Variants in RAD21 observed in about 807,000 individuals in gnomAD.
RAD21 encodes double-strand-break repair protein rad21 homolog.
A neutral mutation model predicts 71.5 loss-of-function variants in RAD21; 18 were observed. The ratio of observed to expected loss-of-function variants is 0.25; its 90% CI spans 0.17 to 0.37. The LOEUF (loss-of-function observed/expected upper bound fraction) is 0.37. Among genes scored for constraint, RAD21 ranks in the 10% least tolerant of loss-of-function variants. RAD21 has a pLI of 1.00. For synonymous variants in RAD21, 248 were observed against 254.0 expected, an observed-to-expected ratio of 0.98 and a Z score of 0.22; for missense variants, 493 against 769.1, an observed-to-expected ratio of 0.64 and a Z score of 4.25.
At chr8:116,854,538 G>T in intron 8 of RAD21, 70 bp from the exon 9 acceptor site, 1 of 1,153,486 alleles carries the variant, frequency 8.7e-7, no homozygotes, top group Non-Finnish European at 1.3e-6. Context: ...TACAAGATCT[G>T]GACTGACTAT....
intron 1 of RAD21, 70 bp downstream of exon 1, chr8:116,874,541 C>T (rs1360693960): frequency 3.6e-6 from 1 of 277,852 alleles, no homozygotes; most frequent in East Asian, 1.4e-4. Flanking sequence ...GGCTCCCCGA[C>T]GGCAGAGCGG....
intron 8 of RAD21, 61 bp downstream of exon 8, chr8:116,856,104 CA>C: frequency 6.5e-7 from 1 of 1,546,370 alleles, no homozygotes; most frequent in African/African-American, 1.4e-5. Context: ...AGTAGACAGG[CA>C]AAAACCAGAA....
In RAD21 at chr8:116,867,853, A is replaced by T. The variant is rs903554271; in HGVS notation, c.-32-1092T>A. Among the ~76,000 whole-genome samples the T allele has an allele frequency of 5.3e-5, 8 of 152,308 alleles. No individual in the cohort carries two copies. The South Asian group carries it at 1.7e-3, about 32-fold the overall frequency. On this transcript the variant is annotated intron_variant, in intron 1 of 13. Transcript: ENST00000297338. ...ATAACTACAATATAGTATCAAAACC[A>T]GGGCACTGACATTGATTCAATGTGT...
At chr8:116,851,733 A>G (rs1449652570) in intron 11 of RAD21, 9 of 435,172 alleles carry the variant, frequency 2.1e-5, no homozygotes, top group Middle Eastern at 6.0e-4. Context: ...AAGCAATACT[A>G]TTCAAAAAGA....
intron 8 of RAD21, among the ~76,000 whole-genome samples, chr8:116,855,421 T>C (rs1812440454): frequency 6.6e-6 from 1 of 152,200 alleles, no homozygotes; most frequent in Admixed American, 6.5e-5. Flanking sequence ...AATTAAATAA[T>C]GTGTCTTGCA....
At chr8:116,850,180 T>C (rs1812318860) in intron 12 of RAD21, among the ~76,000 whole-genome samples, 1 of 152,200 alleles carries the variant, frequency 6.6e-6, no homozygotes, top group Admixed American at 6.5e-5. Flanking sequence ...AGTTATGCTT[T>C]ACCCTGGTCC....
intron 10 of RAD21, 62 bp from the exon 11 acceptor site, chr8:116,852,158 CATTT>C (rs1307074390): frequency 7.1e-7 from 1 of 1,404,732 alleles, no homozygotes; most frequent in African/African-American, 1.4e-5. Flanking sequence ...ATTATAGAAC[CATTT>C]ATTTTTTAAA....
In RAD21 at chr8:116,847,658, T is replaced by C; in HGVS notation, c.1738A>G (p.Ser580Gly). The change falls in exon 14 of 14, where the codon AGT becomes GGT. Residue 580 changes from serine (S) to glycine (G), a missense_variant. Ser to Gly is a moderately conservative substitution (Grantham distance 56). This residue lies in a region of RAD21 where 225 missense variants were observed against 218.3 expected (regional missense o/e 1.03). Coordinates refer to ENST00000297338, the MANE Select transcript of RAD21 (RefSeq NM_006265.3). ...GTATTTCGACATAACTCAAGCAAAC[T>C]GATAGATTCAGCTCCAGTTTTAGCA... ...ALAKTGAESI[S>G]LLELCRNTNR... 1 of 1,613,918 alleles carries C rather than the reference T, an allele frequency of 6.2e-7. No homozygotes were observed. The highest frequency in any genetic ancestry group is 8.5e-7 in the Non-Finnish European group (1 of 1,179,900).
Position 116,848,873 on chromosome 8 carries a change from CTTTT to C in RAD21, c.1704+69_1704+72del, listed in dbSNP as rs745420178. On this transcript the variant is annotated intron_variant, in intron 13 of 13. Transcript: ENST00000297338. ...TATGCTTTCTGTTTCCAGCATCTAA[CTTTT>C]TTTTTTTCAGGGAACAATGGCAAAA... 6.3e-5 allele frequency: 64 copies of C among 1,012,568 alleles called. No individual in the cohort carries two copies. The South Asian group carries it at 9.5e-4, about 15-fold the overall frequency. The allele number at this position is 1,012,568 out of a possible 1,614,324, so 62.7% of individuals were successfully genotyped here. A position where few individuals can be genotyped will look rare whatever the true frequency, so the allele number is the denominator to read the frequency against.
chr8:116,869,788 G>A (rs1812773008), intron 1 of RAD21, among the ~76,000 whole-genome samples: 1 of 152,124 alleles, frequency 6.6e-6, no homozygotes, highest in Admixed American at 6.5e-5. Context: ...AGAGAAGCTG[G>A]ATCTCTTACA....
At chr8:116,851,915 C>T in intron 11 of RAD21, 33 bp downstream of exon 11, 1 of 1,581,332 alleles carries the variant, frequency 6.3e-7, no homozygotes, top group Non-Finnish European at 8.6e-7. Context: ...TGAATACCTT[C>T]AAATGACTTA....
chr8:116,862,419 C>T lies in RAD21; in HGVS notation c.275-479G>A, dbSNP rs16888971. Among the ~76,000 whole-genome samples the T allele has an allele frequency of 7.0e-3, 1,065 of 152,092 alleles. 17 individuals carry two copies. Among genetic ancestry groups the T allele is most frequent in the African/African-American group, 0.025 (1,032 of 41,526 alleles). On this transcript the variant is annotated intron_variant, in intron 3 of 13. Coordinates refer to ENST00000297338, the MANE Select transcript of RAD21 (RefSeq NM_006265.3). ...TTAGATAAAATGTGCTTATTGGTCA[C>T]ATGTTAATTTAAGTATTGTAGTCTT...
Position 116,856,585 on chromosome 8 carries a change from G to GT in RAD21, c.814+60dup, listed in dbSNP as rs58376251. 5,574 of 1,491,362 alleles carry GT rather than the reference G, an allele frequency of 3.7e-3. 173 individuals are homozygous for GT. The African/African-American group carries it at 0.066, about 18-fold the overall frequency. 92.4% of individuals were successfully genotyped at this position (1,491,362 alleles called of 1,614,324 possible). A position where few individuals can be genotyped will look rare whatever the true frequency, so the allele number is the denominator to read the frequency against. On this transcript the variant is annotated intron_variant, in intron 7 of 13. Coordinates refer to ENST00000297338, the MANE Select transcript of RAD21 (RefSeq NM_006265.3). ...AACTTTTAGTTTGTCATCTTCTATG[G>GT]TAAGTATCTTTCTGGATGCCATACA...
chr8:116,865,125 A>G (rs1812664402), intron 2 of RAD21, among the ~76,000 whole-genome samples: 1 of 152,166 alleles, frequency 6.6e-6, no homozygotes, highest in Non-Finnish European at 1.5e-5. Flanking sequence ...TCAGTTAGAA[A>G]TGGTTTAAAA....
intron 4 of RAD21, 55 bp downstream of exon 4, chr8:116,861,786 T>C: frequency 1.5e-6 from 2 of 1,295,480 alleles, no homozygotes; most frequent in Non-Finnish European, 2.2e-6. Context: ...TGGAAGCTAA[T>C]ACTACTGCTT....
At chr8:116,870,979 A>C (rs370242299) in intron 1 of RAD21, among the ~76,000 whole-genome samples, 1 of 152,192 alleles carries the variant, frequency 6.6e-6, no homozygotes, top group Admixed American at 6.5e-5. Flanking sequence ...AGAGATTCCT[A>C]AACAGAAGCC....
rs116416425 is a variant in RAD21, at chr8:116,847,951, C to T, written c.1705-260G>A. Among the ~76,000 whole-genome samples the T allele has an allele frequency of 8.0e-3, 1,220 of 152,250 alleles. 13 individuals are homozygous for T. Among genetic ancestry groups the T allele is most frequent in the African/African-American group, 0.028 (1,147 of 41,546 alleles). On this transcript the variant is annotated intron_variant, in intron 13 of 13. Coordinates refer to ENST00000297338, the MANE Select transcript of RAD21 (RefSeq NM_006265.3). ...AACACAAGAGCTGCTTGTTTAAAAG[C>T]GCCTAGCCATCTCTCTCATGCCCTC...
intron 1 of RAD21, among the ~76,000 whole-genome samples, chr8:116,867,533 A>T: frequency 6.6e-6 from 1 of 152,248 alleles, no homozygotes; most frequent in South Asian, 2.1e-4. Context: ...CCCAGTTCAG[A>T]AGAGTACATT....
intron 8 of RAD21, among the ~76,000 whole-genome samples, chr8:116,855,886 C>G (rs1267003894): frequency 1.3e-5 from 2 of 152,258 alleles, no homozygotes; most frequent in East Asian, 3.9e-4. Context: ...AAAGCTTGTT[C>G]TATACTTTTG....
Sources: allele counts gnomAD v4.1 joint callset (sites outside exome capture counted in the v4.1 genomes callset), GRCh38; gene constraint gnomAD v4.1.1; regional missense constraint gnomAD v4.1.1; transcripts MANE v1.5; gene names NCBI Gene and HGNC (gene_info 2026-07-23, HGNC 2026-07-21).